The following ARB2A variants were observed in gnomAD, a reference collection of about 807,000 sequenced individuals.
ARB2A encodes cotranscriptional regulator ARB2A.
At chr5:93,626,785 G>C in the ARB2A span, among the ~76,000 whole-genome samples, 2 of 152,320 alleles carry the variant, frequency 1.3e-5, no homozygotes, top group Admixed American at 1.3e-4. Flanking sequence ...TGACCGATCA[G>C]AGTGATGATT....
the ARB2A span, chr5:94,050,840 A>T: frequency 6.4e-7 from 1 of 1,561,824 alleles, no homozygotes; most frequent in Non-Finnish European, 8.7e-7. Context: ...CTCTAAGAAG[A>T]TAAACAAACA....
the ARB2A span, among the ~76,000 whole-genome samples, chr5:93,810,088 G>T: frequency 4.0e-5 from 6 of 151,808 alleles, no homozygotes; most frequent in African/African-American, 1.5e-4. Context: ...GCCTGCCAAA[G>T]AATTTTGTGC....
the ARB2A span, among the ~76,000 whole-genome samples, chr5:94,105,649 T>C: frequency 1.3e-5 from 2 of 151,290 alleles, no homozygotes; most frequent in Non-Finnish European, 3.0e-5. Flanking sequence ...CATATGGAAC[T>C]GAAAAATAGC....
At chr5:94,082,192 C>T in the ARB2A span, among the ~76,000 whole-genome samples, 26 of 152,128 alleles carry the variant, frequency 1.7e-4, no homozygotes, top group East Asian at 4.3e-3. Context: ...CATTAGTATC[C>T]CTCGCATACA....
the ARB2A span, among the ~76,000 whole-genome samples, chr5:93,766,133 G>A: frequency 6.6e-6 from 1 of 152,234 alleles, no homozygotes; most frequent in Admixed American, 6.5e-5. Context: ...CATGGGCAAG[G>A]ACTTCATGTC....
At chr5:93,902,290 T>A in the ARB2A span, among the ~76,000 whole-genome samples, 1 of 152,182 alleles carries the variant, frequency 6.6e-6, no homozygotes, top group African/African-American at 2.4e-5. Context: ...ACTCAGTTTT[T>A]AATCCAAATA....
At chr5:93,710,694 T>A in the ARB2A span, among the ~76,000 whole-genome samples, 3 of 152,220 alleles carry the variant, frequency 2.0e-5, no homozygotes, top group African/African-American at 7.2e-5. Context: ...ATTTTTCTTT[T>A]ATGGGAAAAT....
At chr5:93,934,713 A>G in the ARB2A span, among the ~76,000 whole-genome samples, 2 of 152,176 alleles carry the variant, frequency 1.3e-5, no homozygotes, top group Non-Finnish European at 2.9e-5. Context: ...GATCCCTGCT[A>G]TCCTGCAGCC....
chr5:93,620,693 T>TTAA, the ARB2A span: 2 of 270,360 alleles, frequency 7.4e-6, no homozygotes, highest in Non-Finnish European at 1.4e-5. Context: ...TTCAGGGCAA[T>TTAA]TAGAGCTTCG....
At chr5:93,833,672 C>A in the ARB2A span, among the ~76,000 whole-genome samples, 1 of 152,256 alleles carries the variant, frequency 6.6e-6, no homozygotes, top group South Asian at 2.1e-4. Flanking sequence ...TTAGTTTCTT[C>A]ACACTTTTCT....
the ARB2A span, among the ~76,000 whole-genome samples, chr5:93,692,954 T>G: frequency 6.6e-6 from 1 of 152,168 alleles, no homozygotes; most frequent in Admixed American, 6.5e-5. Flanking sequence ...GAATGACTAT[T>G]GGGTAAATAA....
the ARB2A span, among the ~76,000 whole-genome samples, chr5:93,943,695 T>C: frequency 1.3e-5 from 2 of 152,178 alleles, no homozygotes; most frequent in African/African-American, 4.8e-5. Flanking sequence ...GTTTGAAGAC[T>C]GGAGTTGAGG....
chr5:93,824,206 G>A, the ARB2A span: 20 of 1,595,542 alleles, frequency 1.3e-5, no homozygotes, highest in East Asian at 4.4e-4. Flanking sequence ...ATTCTCAGCA[G>A]CAGCCTGAGC....
chr5:93,805,137 A>G, the ARB2A span: 1 of 982,766 alleles, frequency 1.0e-6, no homozygotes, highest in South Asian at 4.7e-5. Flanking sequence ...GTTATAATAC[A>G]AACATGGTAA....
the ARB2A span, among the ~76,000 whole-genome samples, chr5:93,752,280 A>C: frequency 6.6e-6 from 1 of 152,212 alleles, no homozygotes. Context: ...CAACAATTAC[A>C]GACAGAGCAT....
the ARB2A span, among the ~76,000 whole-genome samples, chr5:93,859,190 C>T: frequency 6.6e-6 from 1 of 152,004 alleles, no homozygotes; most frequent in South Asian, 2.1e-4. Flanking sequence ...AACTGATTAA[C>T]CATTTTGAAA....
At chr5:94,038,992 T>C in the ARB2A span, among the ~76,000 whole-genome samples, 1 of 152,170 alleles carries the variant, frequency 6.6e-6, no homozygotes, top group Non-Finnish European at 1.5e-5. Flanking sequence ...GAAGAGAAGA[T>C]GGTTTTTAGT....
At chr5:93,852,941 CT>C in the ARB2A span, among the ~76,000 whole-genome samples, 8 of 143,444 alleles carry the variant, frequency 5.6e-5, no homozygotes, top group Non-Finnish European at 9.2e-5. Flanking sequence ...GATGTGGGCT[CT>C]TTTTTTGGTT....
At chr5:93,744,594 A>C in the ARB2A span, among the ~76,000 whole-genome samples, 1 of 152,122 alleles carries the variant, frequency 6.6e-6, no homozygotes, top group Admixed American at 6.6e-5. Flanking sequence ...ATGTACTGCC[A>C]AAAAGAAAAG....
Sources: allele counts gnomAD v4.1 joint callset (sites outside exome capture counted in the v4.1 genomes callset), GRCh38; gene constraint gnomAD v4.1.1; transcripts MANE v1.5; gene names NCBI Gene and HGNC (gene_info 2026-07-23, HGNC 2026-07-21).